CAMK1D: variants seen among roughly 807,000 people sequenced by gnomAD.
CAMK1D encodes the protein calcium/calmodulin dependent protein kinase ID.
In CAMK1D, 9 loss-of-function variants were observed where a neutral mutation model predicts 47.7. The ratio of observed to expected loss-of-function variants is 0.19; its 90% CI spans 0.11 to 0.33. The LOEUF (loss-of-function observed/expected upper bound fraction) is 0.33, where lower values mean the gene tolerates loss of function less well. Ranked by LOEUF, CAMK1D falls within the 10% of genes least tolerant of loss-of-function variation. The pLI is 1.00. For synonymous variants in CAMK1D, 184 were observed against 184.9 expected (o/e 0.99, Z 0.04); for missense variants, 291 against 488.7 (o/e 0.60, Z 3.81).
intron 2 of CAMK1D, among the ~76,000 whole-genome samples, chr10:12,613,642 C>T (rs1253854916): frequency 6.6e-6 from 1 of 152,144 alleles, no homozygotes; most frequent in East Asian, 1.9e-4. Flanking sequence ...CCATGCCTGG[C>T]TCATTTTTTG....
At chr10:12,400,282 T>C (rs1839130347) in intron 1 of CAMK1D, among the ~76,000 whole-genome samples, 1 of 152,190 alleles carries the variant, frequency 6.6e-6, no homozygotes, top group African/African-American at 2.4e-5. Context: ...TCTGAGTGCA[T>C]CCAAAGGAGG....
chr10:12,774,726 G>A (rs1039595243), intron 5 of CAMK1D, among the ~76,000 whole-genome samples: 8 of 152,206 alleles, frequency 5.3e-5, no homozygotes, highest in African/African-American at 1.7e-4. Flanking sequence ...CCTGAGCTCC[G>A]CCTCCTGTCA....
intron 1 of CAMK1D, among the ~76,000 whole-genome samples, chr10:12,359,096 C>T (rs1440088427): frequency 1.3e-5 from 2 of 152,172 alleles, no homozygotes; most frequent in African/African-American, 4.8e-5. Flanking sequence ...GGAGGTTACA[C>T]GGATATGGGT....
chr10:12,705,789 C>CT (rs1294349718), intron 3 of CAMK1D, among the ~76,000 whole-genome samples: 7 of 152,174 alleles, frequency 4.6e-5, no homozygotes, highest in Admixed American at 4.6e-4. Context: ...TCGTGCTAGT[C>CT]TAAGAGGAGC....
intron 1 of CAMK1D, among the ~76,000 whole-genome samples, chr10:12,539,727 C>A (rs1235875159): frequency 6.6e-6 from 1 of 152,140 alleles, no homozygotes; most frequent in Non-Finnish European, 1.5e-5. Context: ...CGAAGAGGTC[C>A]GCACAGGTGA....
At chr10:12,363,231 G>A (rs1231918637) in intron 1 of CAMK1D, among the ~76,000 whole-genome samples, 1 of 150,772 alleles carries the variant, frequency 6.6e-6, no homozygotes. Context: ...GTGAACCACC[G>A]CACCCGGCCT....
At chr10:12,547,639 A>ACC (rs11393244) in intron 1 of CAMK1D, among the ~76,000 whole-genome samples, 3,867 of 109,152 alleles carry the variant, frequency 0.035, 379 homozygotes, top group African/African-American at 0.11. Flanking sequence ...TCACGAGGAC[A>ACC]CCCCCCCCCC....
intron 1 of CAMK1D, among the ~76,000 whole-genome samples, chr10:12,419,034 T>A (rs1342501296): frequency 6.6e-6 from 1 of 152,318 alleles, no homozygotes; most frequent in Admixed American, 6.5e-5. Context: ...CCCTATTGAA[T>A]GAACTTCCCT....
chr10:12,704,830 G>A (rs2130733045), intron 3 of CAMK1D, among the ~76,000 whole-genome samples: 1 of 152,334 alleles, frequency 6.6e-6, no homozygotes, highest in Admixed American at 6.5e-5. Flanking sequence ...TATAATGCAA[G>A]TTAAAGATCA....
chr10:12,371,798 C>G (rs1838014753), intron 1 of CAMK1D, among the ~76,000 whole-genome samples: 1 of 151,954 alleles, frequency 6.6e-6, no homozygotes, highest in Non-Finnish European at 1.5e-5. Flanking sequence ...TCCTGAGTAG[C>G]TGGGATTACA....
chr10:12,378,388 G>A (rs1838244293), intron 1 of CAMK1D, among the ~76,000 whole-genome samples: 1 of 151,872 alleles, frequency 6.6e-6, no homozygotes, highest in Non-Finnish European at 1.5e-5. Context: ...TGGGACCACA[G>A]GTGCACACCA....
intron 2 of CAMK1D, among the ~76,000 whole-genome samples, chr10:12,600,795 A>C (rs1199461554): frequency 6.6e-6 from 1 of 152,120 alleles, no homozygotes; most frequent in African/African-American, 2.4e-5. Flanking sequence ...TACCCTTCTA[A>C]GCCTCTAACG....
intron 1 of CAMK1D, among the ~76,000 whole-genome samples, chr10:12,359,322 T>C (rs1837595674): frequency 6.6e-6 from 1 of 152,204 alleles, no homozygotes; most frequent in South Asian, 2.1e-4. Context: ...CATTTATCCC[T>C]GCCCCTCAGA....
intron 3 of CAMK1D, among the ~76,000 whole-genome samples, chr10:12,696,164 G>C (rs904115456): frequency 2.6e-5 from 4 of 152,146 alleles, no homozygotes; most frequent in Admixed American, 2.6e-4. Flanking sequence ...TGTCTTGTAA[G>C]TAGACATATG....
chr10:12,471,926 T>G (rs1413804605), intron 1 of CAMK1D, among the ~76,000 whole-genome samples: 1 of 151,584 alleles, frequency 6.6e-6, no homozygotes, highest in Non-Finnish European at 1.5e-5. Flanking sequence ...TCCCAGCTAC[T>G]CTGGAGGCTG....
chr10:12,768,124 T>C (rs575636318), intron 4 of CAMK1D, among the ~76,000 whole-genome samples: 1 of 152,256 alleles, frequency 6.6e-6, no homozygotes, highest in African/African-American at 2.4e-5. Context: ...CCACCTGCCT[T>C]GGCCTCCAAA....
At chr10:12,473,783 CAG>C (rs1183348711) in intron 1 of CAMK1D, among the ~76,000 whole-genome samples, 1 of 152,090 alleles carries the variant, frequency 6.6e-6, no homozygotes, top group African/African-American at 2.4e-5. Flanking sequence ...TGTTAAGTAA[CAG>C]GGAAAAGGAT....
rs550912094 is a variant in CAMK1D at position 12,827,813 on chromosome 10, T to A, written c.1040-956T>A. On this transcript the variant is annotated intron_variant, in intron 10 of 10. Coordinates refer to ENST00000619168, the MANE Select transcript of CAMK1D (RefSeq NM_153498.4). The stretch of plus-strand genomic sequence containing the variant: ...AAGTAATCCTCCTGTCTCAGCCTTC[T>A]GAGTAGCTGGGACAACAGGCATGTA... Among the ~76,000 whole-genome samples the A allele has an allele frequency of 2.0e-3, 298 of 152,070 alleles. 2 individuals carry two copies. The highest frequency in any genetic ancestry group is 6.9e-3 in the African/African-American group (288 of 41,498).
chr10:12,833,450 A>C lies in CAMK1D; in HGVS notation c.*4563A>C, dbSNP rs1381767028. ...AAACAGAAAGGAAAGATGATATCCC[A>C]GTGCAGGTAGACTTTATTTTTGAAA... On this transcript the variant is annotated 3_prime_UTR_variant, in exon 11 of 11. Transcript: ENST00000619168. The C allele has an allele frequency of 1.3e-5, 2 of 152,316 alleles. No individual in the cohort carries two copies. Among genetic ancestry groups the C allele is most frequent in the Non-Finnish European group, 2.9e-5 (2 of 68,074 alleles). 9.4% of individuals were successfully genotyped at this position (152,316 alleles called of 1,614,324 possible). A position where few individuals can be genotyped will look rare whatever the true frequency, so the allele number is the denominator to read the frequency against.
Sources: gnomAD v4.1 joint callset for allele counts (sites outside exome capture counted in the v4.1 genomes callset) on GRCh38, gnomAD v4.1.1 for gene constraint, MANE v1.5 for transcripts, NCBI Gene and HGNC (gene_info 2026-07-23, HGNC 2026-07-21) for gene names.